Variants in DPH6 observed in about 807,000 individuals in gnomAD.
DPH6 encodes the protein diphthamine biosynthesis 6.
DPH6 carries 33 observed loss-of-function variants against 38.2 expected under a neutral mutation model. That is an observed-to-expected ratio of 0.86 (90% CI 0.65 to 1.15). The LOEUF is 1.15. Ranked by LOEUF, DPH6 falls within the 50% of genes most tolerant of loss-of-function variation. The pLI is 0.00. For synonymous variants in DPH6, 108 were observed against 103.0 expected, an observed-to-expected ratio of 1.05 and a Z score of -0.30; for missense variants, 325 against 320.0, an observed-to-expected ratio of 1.02 and a Z score of -0.12.
chr15:35,381,025 C>T (rs1207351113), intron 7 of DPH6, among the ~76,000 whole-genome samples: 1 of 140,630 alleles, frequency 7.1e-6, no homozygotes, highest in Admixed American at 7.2e-5. Context: ...TTAAGAAAAT[C>T]CACCTAGAGT....
the DPH6 span, among the ~76,000 whole-genome samples, chr15:35,156,446 C>T: frequency 6.6e-6 from 1 of 152,084 alleles, no homozygotes; most frequent in Non-Finnish European, 1.5e-5. Flanking sequence ...AATGCCACTA[C>T]TGAACCTTCA....
At chr15:35,179,204 CAAAAAAAAAAA>C in the DPH6 span, among the ~76,000 whole-genome samples, 1 of 50,592 alleles carries the variant, frequency 2.0e-5, no homozygotes, top group Non-Finnish European at 3.9e-5. Context: ...ACAACTCTGT[CAAAAAAAAAAA>C]AAAAAAAAAA....
downstream of DPH6, among the ~76,000 whole-genome samples, chr15:35,328,429 G>A (rs915676611): frequency 1.3e-5 from 2 of 152,044 alleles, no homozygotes; most frequent in Admixed American, 1.3e-4. Flanking sequence ...TAAACGTTGT[G>A]AGTACAGAAA....
downstream of DPH6, among the ~76,000 whole-genome samples, chr15:35,216,182 G>A (rs2051410361): frequency 6.6e-6 from 1 of 152,200 alleles, no homozygotes; most frequent in African/African-American, 2.4e-5. Context: ...AGGTTACCCT[G>A]TGAAACCAGT....
intron 6 of DPH6, among the ~76,000 whole-genome samples, chr15:35,383,744 A>G (rs928271254): frequency 6.6e-6 from 1 of 152,174 alleles, no homozygotes; most frequent in African/African-American, 2.4e-5. Flanking sequence ...GCCTCTCTAA[A>G]TTCTACAAGC....
rs143581095 is a variant in DPH6, at chr15:35,437,121, G to A, written c.505+13564C>T. Among the ~76,000 whole-genome samples the A allele has an allele frequency of 1.7e-4, 26 of 152,164 alleles. No homozygotes were observed. The Middle Eastern group carries it at 0.01, about 60-fold the overall frequency. ...CCTGTCACAGTTGCTGGGCCTCAGG[G>A]ATACTCAGACGAAAGAAAGAGGGAT... On this transcript the variant is annotated intron_variant, in intron 5 of 8. Coordinates refer to ENST00000256538, the MANE Select transcript of DPH6 (RefSeq NM_080650.4).
the DPH6 span, among the ~76,000 whole-genome samples, chr15:35,176,487 T>TC: frequency 6.6e-6 from 1 of 152,006 alleles, no homozygotes; most frequent in Admixed American, 6.6e-5. Context: ...TTTTTTTTTT[T>TC]TAAGATGGAG....
chr15:35,457,926 G>T (rs1008095063), intron 3 of DPH6, among the ~76,000 whole-genome samples: 9 of 151,936 alleles, frequency 5.9e-5, no homozygotes, highest in Non-Finnish European at 8.8e-5. Flanking sequence ...CTCATTATCA[G>T]TGGGGGATTG....
chr15:35,377,350 T>G (rs2052795707), intron 7 of DPH6, among the ~76,000 whole-genome samples: 1 of 152,040 alleles, frequency 6.6e-6, no homozygotes, highest in Non-Finnish European at 1.5e-5. Context: ...CATCCATCCA[T>G]CATCTATCCA....
chr15:35,377,896 G>A, intron 7 of DPH6, among the ~76,000 whole-genome samples: 1 of 151,386 alleles, frequency 6.6e-6, no homozygotes, highest in Non-Finnish European at 1.5e-5. Flanking sequence ...TAGAGACAGG[G>A]TCTTGCAATG....
rs2053851575 is a variant in DPH6, at chr15:35,446,243, T to C, written c.505+4442A>G. ...TTTTTTTTTTCCTTTTTTTTTTTTTTTTTTCTGAGACAGGGTCTTGCTCTT... is the reference window on the plus strand; with the variant it reads ...TTTTTTTTTTCCTTTTTTTTTTTTTCTTTTCTGAGACAGGGTCTTGCTCTT... On this transcript the variant is annotated intron_variant, in intron 5 of 8. Transcript: ENST00000256538. Among the ~76,000 whole-genome samples, 5 of 149,346 alleles carry C rather than the reference T, an allele frequency of 3.3e-5. No individual in the cohort carries two copies. In the South Asian group the frequency reaches 1.1e-3, roughly 32 times the overall value.
At chr15:35,188,472 C>T in the DPH6 span, among the ~76,000 whole-genome samples, 1 of 152,136 alleles carries the variant, frequency 6.6e-6, no homozygotes, top group African/African-American at 2.4e-5. Context: ...TATAAAACCC[C>T]AAGTCAGAGG....
At chr15:35,403,346 T>C (rs1190018854) in intron 6 of DPH6, among the ~76,000 whole-genome samples, 1 of 151,406 alleles carries the variant, frequency 6.6e-6, no homozygotes, top group Admixed American at 6.6e-5. Context: ...ATAGTAGGTA[T>C]ATATATATAT....
rs571887501 is a variant in DPH6, at chr15:35,239,423, A to G, written n.201-18841T>C. Among the ~76,000 whole-genome samples the G allele has an allele frequency of 1.4e-5, 2 of 144,242 alleles. 1 individual carries two copies. The highest frequency in any genetic ancestry group is 4.3e-4 in the East Asian group (2 of 4,616). 94.6% of individuals were successfully genotyped at this position (144,242 alleles called of 152,430 possible). ...GAAGGCAGCCTTCCCTTGGTGTTTAATCATTGCAGGGATGCCTCTCTGATT... is the reference window on the plus strand; with the variant it reads ...GAAGGCAGCCTTCCCTTGGTGTTTAGTCATTGCAGGGATGCCTCTCTGATT... On this transcript the variant is annotated intron_variant and non_coding_transcript_variant, in intron 3 of 3. Coordinates refer to the DPH6 transcript ENST00000560386.
chr15:35,273,196 T>A (rs2051834750), intron 3 of DPH6, among the ~76,000 whole-genome samples: 1 of 152,184 alleles, frequency 6.6e-6, no homozygotes, highest in Admixed American at 6.5e-5. Context: ...GGTGTCTGGT[T>A]ACATGAGTAA....
rs1225364732 is a variant in DPH6 at position 35,410,914 on chromosome 15, A to C, written c.506-18T>G. ...ATCTAAACCTGCCAAGAAAGGTTAC[A>C]TTTTTTAAAGATAACTATCAGATAG... On this transcript the variant is annotated intron_variant, in intron 5 of 8. Coordinates refer to ENST00000256538, the MANE Select transcript of DPH6 (RefSeq NM_080650.4). 3 of 1,598,098 alleles carry C rather than the reference A, an allele frequency of 1.9e-6. No individual in the cohort carries two copies. The highest frequency in any genetic ancestry group is 2.6e-6 in the Non-Finnish European group (3 of 1,172,594).
chr15:35,527,015 T>A (rs906793198), intron 3 of DPH6, among the ~76,000 whole-genome samples: 3 of 152,134 alleles, frequency 2.0e-5, no homozygotes, highest in African/African-American at 7.2e-5. Context: ...ATCAATTCAA[T>A]CCAATCTATA....
intron 5 of DPH6, among the ~76,000 whole-genome samples, chr15:35,444,581 C>T (rs1235357731): frequency 6.6e-6 from 1 of 152,186 alleles, no homozygotes; most frequent in Non-Finnish European, 1.5e-5. Flanking sequence ...ACTAGAACTG[C>T]TGGCAATGAA....
intron 3 of DPH6, among the ~76,000 whole-genome samples, chr15:35,485,753 C>T (rs1457969789): frequency 6.6e-6 from 1 of 152,182 alleles, no homozygotes; most frequent in Non-Finnish European, 1.5e-5. Flanking sequence ...CTCCTTCCCA[C>T]AATGAGCCTG....
Sources: allele counts gnomAD v4.1 joint callset (sites outside exome capture counted in the v4.1 genomes callset), GRCh38; gene constraint gnomAD v4.1.1; transcripts MANE v1.5; gene names NCBI Gene and HGNC (gene_info 2026-07-23, HGNC 2026-07-21).